The following FNBP1L variants were observed in gnomAD, a reference collection of about 807,000 sequenced individuals.
The protein encoded by FNBP1L is formin-binding protein 1-like.
Under a neutral mutation model 91.2 loss-of-function variants are expected in FNBP1L, and 36 were observed. The ratio of observed to expected loss-of-function variants is 0.39; its 90% CI spans 0.30 to 0.52. The LOEUF (loss-of-function observed/expected upper bound fraction) is 0.52, where lower values mean the gene tolerates loss of function less well. Among genes scored for constraint, FNBP1L ranks in the 20% least tolerant of loss-of-function variants. The pLI, the probability that FNBP1L is intolerant of heterozygous loss-of-function variation, is 0.66. For synonymous variants in FNBP1L, 242 were observed against 237.0 expected (o/e 1.02, Z -0.19); for missense variants, 571 against 732.1 (o/e 0.78, Z 2.54).
intron 16 of FNBP1L, chr1:93,552,142 G>A: frequency 2.5e-6 from 3 of 1,202,078 alleles, no homozygotes; most frequent in Admixed American, 8.8e-5. Flanking sequence ...GTTTCAGCAA[G>A]CGTTGTTGGA....
chr1:93,545,758 AAGG>A (rs1307789088), intron 12 of FNBP1L, among the ~76,000 whole-genome samples: 2 of 152,074 alleles, frequency 1.3e-5, no homozygotes, highest in Non-Finnish European at 2.9e-5. Flanking sequence ...TGGGAATAGA[AAGG>A]AGGAATAGAT....
chr1:93,454,380 A>G (rs1055965736), intron 1 of FNBP1L, among the ~76,000 whole-genome samples: 2 of 151,950 alleles, frequency 1.3e-5, no homozygotes, highest in African/African-American at 4.8e-5. Flanking sequence ...GTATATAATC[A>G]AACCACTTTT....
At chr1:93,515,378 C>T (rs1671051972) in intron 2 of FNBP1L, among the ~76,000 whole-genome samples, 2 of 151,370 alleles carry the variant, frequency 1.3e-5, no homozygotes, top group South Asian at 4.2e-4. Flanking sequence ...GGATCTAGAA[C>T]TAGAAATACC....
chr1:93,453,379 T>C (rs751554052), intron 1 of FNBP1L, among the ~76,000 whole-genome samples: 9 of 152,178 alleles, frequency 5.9e-5, no homozygotes, highest in Non-Finnish European at 1.3e-4. Context: ...TCATACTCCA[T>C]TTACTTCCAT....
chr1:93,510,028 C>A (rs1670771472), intron 2 of FNBP1L, among the ~76,000 whole-genome samples: 1 of 152,198 alleles, frequency 6.6e-6, no homozygotes, highest in Non-Finnish European at 1.5e-5. Context: ...GGCAGCCAGG[C>A]TGGGGGAGGG....
At chr1:93,500,063 T>C (rs1670394735) in intron 2 of FNBP1L, among the ~76,000 whole-genome samples, 1 of 152,232 alleles carries the variant, frequency 6.6e-6, no homozygotes, top group Admixed American at 6.5e-5. Flanking sequence ...TTTTGGAAGA[T>C]AAAAGTTTTA....
rs115645229 is a variant in FNBP1L, at chr1:93,551,399, T to G, written c.1810+294T>G. The G allele has an allele frequency of 2.1e-3, 2,222 of 1,042,216 alleles. 38 individuals are homozygous for G. The African/African-American group carries it at 0.035, about 16-fold the overall frequency. The allele number at this position is 1,042,216 out of a possible 1,614,324, so 64.6% of individuals were successfully genotyped here. On this transcript the variant is annotated intron_variant, in intron 16 of 16. Transcript: ENST00000271234. The stretch of plus-strand genomic sequence containing the variant: ...TGTGAAGGATTTGTGTTTTTCTGCC[T>G]TACAAATAGAATTTGATTTATTGGG...
At chr1:93,463,234 C>T (rs1668957947) in intron 1 of FNBP1L, among the ~76,000 whole-genome samples, 1 of 152,078 alleles carries the variant, frequency 6.6e-6, no homozygotes, top group African/African-American at 2.4e-5. Context: ...TTTCCTGCCC[C>T]AAACCTAGAA....
At chr1:93,486,171 A>G (rs1025002571) in intron 1 of FNBP1L, among the ~76,000 whole-genome samples, 3 of 152,202 alleles carry the variant, frequency 2.0e-5, no homozygotes, top group Non-Finnish European at 4.4e-5. Flanking sequence ...GTATACTAAA[A>G]GCTCTAAGTG....
chr1:93,510,067 GTAAACAAA>G (rs1670773625), intron 2 of FNBP1L, among the ~76,000 whole-genome samples: 3 of 152,208 alleles, frequency 2.0e-5, no homozygotes, highest in Admixed American at 2.0e-4. Context: ...GCTTGCTTAG[GTAAACAAA>G]GCAGCCAGGA....
chr1:93,455,080 C>T (rs1041505401), intron 1 of FNBP1L, among the ~76,000 whole-genome samples: 1 of 152,164 alleles, frequency 6.6e-6, no homozygotes, highest in East Asian at 1.9e-4. Flanking sequence ...AGGCGCCCAC[C>T]ACCACGCCTG....
chr1:93,485,919 C>T (rs1024574033), intron 1 of FNBP1L, among the ~76,000 whole-genome samples: 3 of 152,128 alleles, frequency 2.0e-5, no homozygotes, highest in Admixed American at 6.6e-5. Context: ...AGGCTGGTCT[C>T]GAACTCCTGA....
At chr1:93,470,664 G>A (rs888398336) in intron 1 of FNBP1L, among the ~76,000 whole-genome samples, 1 of 152,058 alleles carries the variant, frequency 6.6e-6, no homozygotes, top group Non-Finnish European at 1.5e-5. Flanking sequence ...CCTGAGGTCA[G>A]GAGTTCAAGA....
chr1:93,504,911 C>T (rs574468614), intron 2 of FNBP1L, among the ~76,000 whole-genome samples: 1 of 152,132 alleles, frequency 6.6e-6, no homozygotes, highest in African/African-American at 2.4e-5. Flanking sequence ...TTGTGTCCTT[C>T]TATGCATTGA....
intron 1 of FNBP1L, among the ~76,000 whole-genome samples, chr1:93,472,984 TG>T (rs912217975): frequency 2.6e-5 from 4 of 152,126 alleles, no homozygotes; most frequent in African/African-American, 9.7e-5. Context: ...TTTGTATGAC[TG>T]TTTATGTTTC....
chr1:93,497,753 G>A lies in FNBP1L; in HGVS notation c.25-1715G>A, dbSNP rs574588121. ...TCCTGCCTCAGCCTCCTGAGTAGCT[G>A]GGACCACAGGTGCGTGCCACCACGC... is the stretch of plus-strand genomic sequence containing the variant. On this transcript the variant is annotated intron_variant, in intron 1 of 16. Coordinates refer to ENST00000271234, the MANE Select transcript of FNBP1L (RefSeq NM_001164473.3). Among the ~76,000 whole-genome samples the A allele has an allele frequency of 1.1e-4, 16 of 152,132 alleles. No individual in the cohort carries two copies. The South Asian group carries it at 2.9e-3, about 28-fold the overall frequency.
At chr1:93,516,356 T>A (rs991096092) in intron 2 of FNBP1L, among the ~76,000 whole-genome samples, 1 of 152,166 alleles carries the variant, frequency 6.6e-6, no homozygotes, top group Admixed American at 6.5e-5. Flanking sequence ...CCCCTTTACC[T>A]GTTAAAAGCT....
intron 1 of FNBP1L, among the ~76,000 whole-genome samples, chr1:93,449,215 GGAGAATTT>G (rs1295271709): frequency 1.3e-5 from 2 of 152,112 alleles, no homozygotes; most frequent in African/African-American, 4.8e-5. Context: ...GTAATAGGTC[GGAGAATTT>G]GCTCCTGGCG....
chr1:93,502,263 T>C (rs1670461426), intron 2 of FNBP1L, among the ~76,000 whole-genome samples: 1 of 152,204 alleles, frequency 6.6e-6, no homozygotes, highest in South Asian at 2.1e-4. Flanking sequence ...GGAAGGAACT[T>C]TTTATTTCAT....
Sources: gnomAD v4.1 joint callset for allele counts (sites outside exome capture counted in the v4.1 genomes callset) on GRCh38, gnomAD v4.1.1 for gene constraint, MANE v1.5 for transcripts, NCBI Gene and HGNC (gene_info 2026-07-23, HGNC 2026-07-21) for gene names.